APC: variants seen among roughly 807,000 people sequenced by gnomAD.
APC encodes APC regulator of Wnt signaling pathway, also known as adenomatous polyposis coli protein.
A neutral mutation model predicts 247.0 loss-of-function variants in APC; 72 were observed. That is an observed-to-expected ratio of 0.29 (90% CI 0.24 to 0.35). The LOEUF (loss-of-function observed/expected upper bound fraction) is 0.35, where lower values mean the gene tolerates loss of function less well. Among genes scored for constraint, APC ranks in the 10% least tolerant of loss-of-function variants. The pLI, the probability that APC is intolerant of heterozygous loss-of-function variation, is 1.00. For synonymous variants in APC, 1,254 were observed against 1,162.5 expected (o/e 1.08, Z -1.60); for missense variants, 3,400 against 3,360.7 (o/e 1.01, Z -0.29).
rs566005215 is a variant in APC at position 112,838,160 on chromosome 5, C to T, written c.2566C>T (p.Arg856Cys). ...SEKDRSLERE[R>C]GIGLGNYHPA... The stretch of plus-strand genomic sequence containing the variant: ...AAAAGATAGAAGTTTGGAGAGAGAA[C>T]GCGGAATTGGTCTAGGCAACTACCA... The change falls in exon 16 of 16, where the codon CGC becomes TGC. Residue 856 changes from arginine to cysteine, a missense_variant. Transcript: ENST00000257430. 1.7e-5 allele frequency: 27 copies of T among 1,614,002 alleles called. No individual in the cohort carries two copies. The highest frequency in any genetic ancestry group is 1.8e-5 in the Non-Finnish European group (21 of 1,180,026).
At position 112,712,824 on chromosome 5, in the gene APC, A is replaced by G. The variant is rs1030663176; in HGVS notation, c.165+4942A>G. 3.3e-5 allele frequency among the ~76,000 whole-genome samples: 5 copies of G among 152,250 alleles called. No individual in the cohort carries two copies. In the East Asian group the frequency reaches 9.6e-4, roughly 29 times the overall value. On this transcript the variant is annotated intron_variant, in intron 1 of 13. Coordinates refer to the APC transcript ENST00000507379. ...CAATCACGTGTCAGATCTTGAATATATCTTGTTTAGTTAGGCCCCCAAGTT... is the reference window on the plus strand; with the variant it reads ...CAATCACGTGTCAGATCTTGAATATGTCTTGTTTAGTTAGGCCCCCAAGTT...
At chr5:112,754,695 G>C (rs1754757691) in intron 1 of APC, among the ~76,000 whole-genome samples, 178 bp from the exon 2 acceptor site, 1 of 152,090 alleles carries the variant, frequency 6.6e-6, no homozygotes, top group African/African-American at 2.4e-5. Context: ...AGACTCCACT[G>C]TTTCATCCTC....
At chr5:112,789,315 G>A (rs1759318326) in intron 6 of APC, among the ~76,000 whole-genome samples, 1 of 152,156 alleles carries the variant, frequency 6.6e-6, no homozygotes, top group Non-Finnish European at 1.5e-5. Context: ...CACCATGTGG[G>A]TGCTCCAAAA....
chr5:112,820,722 G>T (rs140579400), intron 10 of APC, among the ~76,000 whole-genome samples: 1 of 152,172 alleles, frequency 6.6e-6, no homozygotes, highest in Non-Finnish European at 1.5e-5. Context: ...TACGTCAAAT[G>T]AGTTTTGAAA....
chr5:112,831,847 G>C lies in APC; in HGVS notation c.1743+2875G>C, dbSNP rs576974307. Among the ~76,000 whole-genome samples, 4 of 152,242 alleles carry C rather than the reference G, an allele frequency of 2.6e-5. No homozygotes were observed. In the East Asian group the frequency reaches 7.7e-4, roughly 29 times the overall value. ...TCTATTACAGTGTTTCTCTTTTCCA[G>C]TAACAACCAAAACCCTGAACAATGG... On this transcript the variant is annotated intron_variant, in intron 14 of 15. Coordinates refer to ENST00000257430, the MANE Select transcript of APC (RefSeq NM_000038.6).
intron 1 of APC, among the ~76,000 whole-genome samples, chr5:112,712,356 A>C (rs1750903700): frequency 6.6e-6 from 1 of 151,714 alleles, no homozygotes; most frequent in Admixed American, 6.6e-5. Context: ...CTCTTCACCA[A>C]CCCTCACCTA....
intron 6 of APC, among the ~76,000 whole-genome samples, chr5:112,782,837 C>G (rs893331663): frequency 7.2e-5 from 11 of 152,130 alleles, no homozygotes; most frequent in African/African-American, 2.4e-4. Flanking sequence ...AGATAACTTA[C>G]AAATTGGGAG....
chr5:112,764,189 T>C lies in APC; in HGVS notation c.136-2137T>C, dbSNP rs998699703. The stretch of plus-strand genomic sequence containing the variant: ...TGAACTTGGGAGGCGGAGCTTTCAG[T>C]GAGCCGAGATTGCGCCACTGCTCTC... On this transcript the variant is annotated intron_variant, in intron 2 of 15. Transcript: ENST00000257430. 3.3e-4 allele frequency among the ~76,000 whole-genome samples: 48 copies of C among 146,186 alleles called. No homozygotes were observed. The Admixed American group carries it at 3.3e-3, about 10-fold the overall frequency.
At chr5:112,728,132 G>A (rs1412486286) in intron 1 of APC, among the ~76,000 whole-genome samples, 1 of 150,576 alleles carries the variant, frequency 6.6e-6, no homozygotes, top group Non-Finnish European at 1.5e-5. Flanking sequence ...TGTGTTTTTT[G>A]TTGTTGTTGT....
rs111938306 is a variant in APC at position 112,755,102 on chromosome 5, A to C, written c.135+77A>C. The C allele has an allele frequency of 1.9e-4, 295 of 1,587,592 alleles. 2 individuals are homozygous for C. The African/African-American group carries it at 3.2e-3, about 17-fold the overall frequency. On this transcript the variant is annotated intron_variant, in intron 2 of 15. Coordinates refer to ENST00000257430, the MANE Select transcript of APC (RefSeq NM_000038.6). ...CCCTCTTGTAAACTTGAGGTAAGAC[A>C]CTTTACTTAAAAGTGTATTTTAAAT...
At chr5:112,836,151 G>A (rs1256720224) in intron 15 of APC, among the ~76,000 whole-genome samples, 1 of 104,856 alleles carries the variant, frequency 9.5e-6, no homozygotes, top group East Asian at 3.3e-4. Flanking sequence ...CTCCCGAGTA[G>A]CTGGGATTAC....
chr5:112,730,383 A>G (rs1222668793), intron 1 of APC, among the ~76,000 whole-genome samples: 1 of 152,236 alleles, frequency 6.6e-6, no homozygotes, highest in Admixed American at 6.5e-5. Context: ...CTGCTGAGAC[A>G]TGGAGGATGA....
chr5:112,761,433 C>T (rs1401519352), intron 2 of APC, among the ~76,000 whole-genome samples: 1 of 151,374 alleles, frequency 6.6e-6, no homozygotes, highest in Non-Finnish European at 1.5e-5. Context: ...GAATTGGAGT[C>T]TATAATTAAA....
chr5:112,826,509 GAAGT>G (rs1371298889), intron 11 of APC, among the ~76,000 whole-genome samples: 1 of 148,308 alleles, frequency 6.7e-6, no homozygotes, highest in Non-Finnish European at 1.5e-5. Flanking sequence ...TTATCAACGA[GAAGT>G]AAGAAATGTT....
chr5:112,805,199 T>TA (rs889998271), intron 8 of APC, among the ~76,000 whole-genome samples: 89 of 152,124 alleles, frequency 5.9e-4, no homozygotes, highest in Non-Finnish European at 4.4e-4. Context: ...GAACATGTAT[T>TA]ACTATAATTT....
In APC at chr5:112,796,671, A is replaced by G. The variant is rs74781845; in HGVS notation, c.729+4142A>G. ...TTTTCAGTTCTGTTGGTATTGATGT[A>G]TGTAGCATTCTACTTATTATGACCT... On this transcript the variant is annotated intron_variant, in intron 7 of 15. Transcript: ENST00000257430. Among the ~76,000 whole-genome samples the G allele has an allele frequency of 4.4e-3, 662 of 152,176 alleles. 5 individuals are homozygous for G. Among genetic ancestry groups the G allele is most frequent in the Non-Finnish European group, 6.8e-3 (460 of 67,958 alleles).
At chr5:112,834,046 G>A (rs992811167) in intron 14 of APC, among the ~76,000 whole-genome samples, 1 of 151,658 alleles carries the variant, frequency 6.6e-6, no homozygotes, top group African/African-American at 2.4e-5. Flanking sequence ...TGACCTCCCA[G>A]GCGCAAGTGA....
At chr5:112,754,657 C>G (rs1251361308) in intron 1 of APC, among the ~76,000 whole-genome samples, 5 of 152,152 alleles carry the variant, frequency 3.3e-5, no homozygotes, top group Non-Finnish European at 5.9e-5. Flanking sequence ...GTTCTCTCTT[C>G]TATTTTAATT....
chr5:112,809,554 T>G (rs1761767360), intron 8 of APC, among the ~76,000 whole-genome samples: 2 of 150,048 alleles, frequency 1.3e-5, no homozygotes, highest in Non-Finnish European at 2.9e-5. Context: ...GTTAACAGTT[T>G]CCACCATTGC....
Sources: gnomAD v4.1 joint callset for allele counts (sites outside exome capture counted in the v4.1 genomes callset) on GRCh38, gnomAD v4.1.1 for gene constraint, MANE v1.5 for transcripts, NCBI Gene and HGNC (gene_info 2026-07-23, HGNC 2026-07-21) for gene names.